SNAP23: variants seen among roughly 807,000 people sequenced by gnomAD.
SNAP23 encodes the protein synaptosome associated protein 23, also known as synaptosomal-associated protein 23.
A neutral mutation model predicts 29.0 loss-of-function variants in SNAP23; 11 were observed. The observed-to-expected ratio is 0.38, with a 90% CI of 0.24 to 0.63. The LOEUF (loss-of-function observed/expected upper bound fraction) is 0.63. SNAP23 is among the 20% of genes least tolerant of loss of function. The pLI, the probability that SNAP23 is intolerant of heterozygous loss-of-function variation, is 0.58. For missense variants in SNAP23, 220 were observed against 253.9 expected (o/e 0.87, Z 0.91); for synonymous variants, 60 against 82.9 (o/e 0.72, Z 1.50).
At chr15:42,504,049 G>A (rs994951126) in intron 1 of SNAP23, among the ~76,000 whole-genome samples, 14 of 152,000 alleles carry the variant, frequency 9.2e-5, no homozygotes, top group African/African-American at 3.4e-4. Context: ...GGAGACCCTT[G>A]CCAGGCAAAG....
intron 2 of SNAP23, 123 bp downstream of exon 2, chr15:42,512,026 G>T: frequency 6.6e-6 from 3 of 456,264 alleles, no homozygotes; most frequent in Non-Finnish European, 1.2e-5. Context: ...GAACACATTT[G>T]CTCCTTAGTG....
intron 4 of SNAP23, among the ~76,000 whole-genome samples, chr15:42,514,330 T>C (rs2057381523): frequency 6.6e-6 from 1 of 151,306 alleles, no homozygotes; most frequent in African/African-American, 2.4e-5. Context: ...TTAGTAGAGA[T>C]AGGGTTTCAC....
intron 7 of SNAP23, among the ~76,000 whole-genome samples, chr15:42,530,238 T>C (rs1331438798): frequency 6.6e-6 from 1 of 152,150 alleles, no homozygotes; most frequent in Non-Finnish European, 1.5e-5. Context: ...TCCTCCCACA[T>C]CAGCCTATTT....
At chr15:42,503,265 G>A (rs534701767) in intron 1 of SNAP23, among the ~76,000 whole-genome samples, 5 of 151,962 alleles carry the variant, frequency 3.3e-5, no homozygotes, top group African/African-American at 1.2e-4. Flanking sequence ...GCAGCGGTGC[G>A]ATCTCGGCTA....
rs189347449 is a variant in SNAP23, at chr15:42,530,361, T to A, written c.570+542T>A. Among the ~76,000 whole-genome samples the A allele has an allele frequency of 2.9e-3, 442 of 152,346 alleles. 2 individuals are homozygous for A. Among genetic ancestry groups the A allele is most frequent in the Middle Eastern group, 0.027 (8 of 294 alleles). On this transcript the variant is annotated intron_variant, in intron 7 of 7. Coordinates refer to ENST00000249647, the MANE Select transcript of SNAP23 (RefSeq NM_003825.4). ...GGAGTGGACACACGAAATAGAGTCA[T>A]GTGAGTGAAAGAAAGTTGTGATTCT...
At chr15:42,512,041 T>C (rs1301094900) in intron 2 of SNAP23, 138 bp downstream of exon 2, 5 of 428,708 alleles carry the variant, frequency 1.2e-5, no homozygotes, top group Non-Finnish European at 1.7e-5. Context: ...TTAGTGCCAT[T>C]GCTGGTTTTT....
chr15:42,502,338 G>C (rs1315847315), intron 1 of SNAP23, among the ~76,000 whole-genome samples: 1 of 152,022 alleles, frequency 6.6e-6, no homozygotes, highest in Non-Finnish European at 1.5e-5. Flanking sequence ...GCTTATATTC[G>C]CTGTCTGTAG....
chr15:42,522,715 C>G (rs201347319), intron 5 of SNAP23, among the ~76,000 whole-genome samples: 2 of 50,248 alleles, frequency 4.0e-5, no homozygotes, highest in Non-Finnish European at 7.7e-5. Context: ...GCAACCAAAA[C>G]TAAAAAAAAA....
At chr15:42,529,241 G>A (rs1021283156) in intron 6 of SNAP23, among the ~76,000 whole-genome samples, 4 of 152,168 alleles carry the variant, frequency 2.6e-5, no homozygotes, top group Non-Finnish European at 5.9e-5. Flanking sequence ...TCCTTGGGCC[G>A]TAGTTTTCCA....
At chr15:42,504,664 A>C (rs1179510319) in intron 1 of SNAP23, among the ~76,000 whole-genome samples, 1 of 151,064 alleles carries the variant, frequency 6.6e-6, no homozygotes, top group Non-Finnish European at 1.5e-5. Flanking sequence ...TTTAATCTTC[A>C]CAAAAAAAAC....
rs534001839 is a variant in SNAP23, at chr15:42,531,194, T to G, written c.571-219T>G. On this transcript the variant is annotated intron_variant, in intron 7 of 7. Transcript: ENST00000249647. ...ATGCGTTATAGAATTTATGAAATAT[T>G]GGCAAGGTCTTATATGTTACACCTT... Among the ~76,000 whole-genome samples the G allele has an allele frequency of 3.9e-5, 6 of 152,368 alleles. No individual in the cohort carries two copies. In the East Asian group the frequency reaches 7.7e-4, roughly 20 times the overall value.
chr15:42,502,990 T>A (rs576027786), intron 1 of SNAP23, among the ~76,000 whole-genome samples: 21 of 152,178 alleles, frequency 1.4e-4, no homozygotes, highest in Non-Finnish European at 2.8e-4. Flanking sequence ...GGTCTTGCTA[T>A]GTTGCCCAGG....
chr15:42,499,472 C>A (rs1456642414), intron 1 of SNAP23, among the ~76,000 whole-genome samples: 1 of 152,090 alleles, frequency 6.6e-6, no homozygotes, highest in Non-Finnish European at 1.5e-5. Context: ...GGAGTCTTCA[C>A]CTATGAGTCA....
chr15:42,518,136 G>A (rs1350776888), intron 5 of SNAP23, among the ~76,000 whole-genome samples: 2 of 151,990 alleles, frequency 1.3e-5, no homozygotes, highest in Non-Finnish European at 2.9e-5. Context: ...GATTGTAATT[G>A]TCTTTCTTCC....
intron 5 of SNAP23, chr15:42,521,818 G>T: frequency 4.7e-6 from 2 of 428,766 alleles, no homozygotes; most frequent in South Asian, 7.0e-5. Flanking sequence ...GTTCTTGATG[G>T]GTGCTATCTC....
intron 1 of SNAP23, among the ~76,000 whole-genome samples, chr15:42,506,164 C>T (rs763270700): frequency 2.0e-5 from 3 of 151,218 alleles, no homozygotes; most frequent in Non-Finnish European, 4.4e-5. Context: ...AATGGCTGGT[C>T]TTGAACTCCT....
Position 42,532,201 on chromosome 15 carries a change from C to T in SNAP23, c.*723C>T, listed in dbSNP as rs2057572598. On this transcript the variant is annotated 3_prime_UTR_variant, in exon 8 of 8. Coordinates refer to ENST00000249647, the MANE Select transcript of SNAP23 (RefSeq NM_003825.4). ...CCGCCTCCCTGGTTCAAGCAATTCT[C>T]CTGCCTTGCCTCCTGAGTAGCTGGG... The T allele has an allele frequency of 6.6e-6, 1 of 152,114 alleles. No homozygotes were observed. The highest frequency in any genetic ancestry group is 1.9e-4 in the East Asian group (1 of 5,194). The allele number at this position is 152,114 out of a possible 1,614,324, so 9.4% of individuals were successfully genotyped here. A position where few individuals can be genotyped will look rare whatever the true frequency, so the allele number is the denominator to read the frequency against.
chr15:42,491,901 T>TTTATTTATTTATTTAGTTAG (rs1555433008), upstream of SNAP23, among the ~76,000 whole-genome samples: 1 of 146,862 alleles, frequency 6.8e-6, no homozygotes, highest in Admixed American at 6.8e-5. Context: ...TATTTATTTA[T>TTTATTTATTTATTTAGTTAG]TTAGTTAGTT....
intron 1 of SNAP23, among the ~76,000 whole-genome samples, chr15:42,500,059 G>C (rs538740426): frequency 1.3e-5 from 2 of 152,172 alleles, no homozygotes; most frequent in Non-Finnish European, 2.9e-5. Flanking sequence ...GTGGAGGATC[G>C]CTTGAGCCTG....
Sources: allele counts gnomAD v4.1 joint callset (sites outside exome capture counted in the v4.1 genomes callset), GRCh38; gene constraint gnomAD v4.1.1; transcripts MANE v1.5; gene names NCBI Gene and HGNC (gene_info 2026-07-23, HGNC 2026-07-21).